Variants in SATL1 observed in about 807,000 individuals in gnomAD.
SATL1 encodes the protein spermidine/spermine N(1)-acetyltransferase-like protein 1.
Under a neutral mutation model 51.8 loss-of-function variants are expected in SATL1, and 47 were observed. That is an observed-to-expected ratio of 0.91 (90% confidence interval 0.72 to 1.16). The LOEUF (loss-of-function observed/expected upper bound fraction) is 1.16. Among genes scored for constraint, SATL1 ranks in the 50% most tolerant of loss-of-function variants. The pLI, the probability that SATL1 is intolerant of heterozygous loss-of-function variation, is 0.00. For missense variants in SATL1, 520 were observed against 526.4 expected, an observed-to-expected ratio of 0.99 and a Z score of 0.12; for synonymous variants, 176 against 182.4, an observed-to-expected ratio of 0.97 and a Z score of 0.28.
chrX:85,149,663 C>A (rs771371158), intron 2 of SATL1, among the ~76,000 whole-genome samples: 24 of 111,675 alleles, frequency 2.1e-4, no homozygotes, highest in African/African-American at 7.5e-4. Context: ...AAGAAACTCA[C>A]TCAAAACCAC....
In SATL1 at chrX:85,115,793, C is replaced by T. The variant is rs183983784; in HGVS notation, c.-312-6513G>A. 3.9e-3 allele frequency among the ~76,000 whole-genome samples: 433 copies of T among 111,510 alleles called. 2 individuals are homozygous for T. The highest frequency in any genetic ancestry group is 0.014 in the African/African-American group (419 of 30,675). On this transcript the variant is annotated intron_variant, in intron 2 of 7. Coordinates refer to ENST00000644105, the MANE Select transcript of SATL1 (RefSeq NM_001367857.2). The stretch of plus-strand genomic sequence containing the variant: ...CAAGCTGAAGAAACCCCAGACATTG[C>T]ACAGTTTTAGGCTTTCGCTCTGCCA...
At chrX:85,142,956 T>A (rs1175398259) in intron 2 of SATL1, 1 of 111,691 alleles carries the variant, frequency 9.0e-6, no homozygotes, top group Non-Finnish European at 1.9e-5. Flanking sequence ...CTTTTCTTCA[T>A]CTCTTCTCTT....
chrX:85,112,670 C>T (rs1401739870), intron 2 of SATL1, among the ~76,000 whole-genome samples: 1 of 111,555 alleles, frequency 9.0e-6, no homozygotes, highest in Admixed American at 9.5e-5. Context: ...TAGACTCAGA[C>T]TCTGCCATTT....
At chrX:85,125,279 C>A (rs2147703072) in intron 2 of SATL1, among the ~76,000 whole-genome samples, 1 of 109,940 alleles carries the variant, frequency 9.1e-6, no homozygotes, top group Non-Finnish European at 1.9e-5. Context: ...TGAAAAAGTA[C>A]AATAAGTACC....
chrX:85,234,248 A>G (rs1388405278), intron 1 of SATL1, among the ~76,000 whole-genome samples: 9 of 111,924 alleles, frequency 8.0e-5, no homozygotes, highest in Non-Finnish European at 1.7e-4. Flanking sequence ...CAGACCAACA[A>G]AAGCTGAGGG....
chrX:85,202,906 T>A (rs1927715604), intron 2 of SATL1, among the ~76,000 whole-genome samples: 1 of 111,870 alleles, frequency 8.9e-6, no homozygotes, highest in Admixed American at 9.4e-5. Flanking sequence ...AGTGACCAAG[T>A]GGCTGTCAGT....
At chrX:85,116,460 G>T (rs930240113) in intron 2 of SATL1, among the ~76,000 whole-genome samples, 2 of 111,761 alleles carry the variant, frequency 1.8e-5, no homozygotes, top group South Asian at 7.5e-4. Flanking sequence ...CCTTAGGGTG[G>T]GCTCTCTGCA....
At chrX:85,204,670 A>T (rs1288242351) in intron 2 of SATL1, among the ~76,000 whole-genome samples, 3 of 111,402 alleles carry the variant, frequency 2.7e-5, no homozygotes, top group African/African-American at 6.5e-5. Flanking sequence ...GGGGTTGAAG[A>T]CTAATTACCT....
chrX:85,148,270 G>C (rs1926316235), intron 2 of SATL1, among the ~76,000 whole-genome samples: 4 of 111,042 alleles, frequency 3.6e-5, no homozygotes, highest in Admixed American at 2.9e-4. Context: ...GGGAAGTTTA[G>C]AGAAAAAAGA....
intron 2 of SATL1, chrX:85,118,410 G>A (rs1160661470): frequency 9.1e-6 from 1 of 110,209 alleles, no homozygotes; most frequent in Non-Finnish European, 1.9e-5. Context: ...CCTGGACTGA[G>A]TCATGAACAG....
chrX:85,092,353 T>C lies in SATL1; in HGVS notation c.*38A>G. On this transcript the variant is annotated 3_prime_UTR_variant, in exon 8 of 8. Transcript: ENST00000644105. ...TTAGACTCAGGTGACAGTCAAATGT[T>C]GGAGGCTGTGTTGGGATGAGTTGTT... The C allele has an allele frequency of 8.8e-7, 1 of 1,140,742 alleles. No homozygotes were observed. Among genetic ancestry groups the C allele is most frequent in the Non-Finnish European group, 1.2e-6 (1 of 860,089 alleles). The allele number at this position is 1,140,742 out of a possible 1,213,427, so 94.0% of individuals were successfully genotyped here.
At chrX:85,205,800 G>A (rs1927780825) in intron 2 of SATL1, among the ~76,000 whole-genome samples, 1 of 111,629 alleles carries the variant, frequency 9.0e-6, no homozygotes, top group South Asian at 3.7e-4. Context: ...AAAGAGGATG[G>A]TTTGGAAGGG....
At chrX:85,209,263 G>T (rs1314564681) in intron 2 of SATL1, 1 of 111,996 alleles carries the variant, frequency 8.9e-6, no homozygotes, top group African/African-American at 3.2e-5. Flanking sequence ...GTACCATGCT[G>T]TTTTGGTTAC....
Position 85,107,418 on chromosome X carries a change from G to A in SATL1, c.1551C>T (p.Ser517=). The A allele has an allele frequency of 1.7e-6, 2 of 1,211,947 alleles. No homozygotes were observed. The highest frequency in any genetic ancestry group is 1.8e-5 in the South Asian group (1 of 57,040). The change falls in exon 3 of 8, where the codon AGC becomes AGT. Residue 517 remains serine, a synonymous_variant. Coordinates refer to ENST00000644105, the MANE Select transcript of SATL1 (RefSeq NM_001367857.2). The part of the protein sequence containing the change: ...SQPGRSQPSV[S]QMGMRQTSMD... ...TGCTTGTTTGCCTCATGCCCATTTG[G>A]CTCACACTTGGTTGGCTCCTGCCTG...
intron 1 of SATL1, among the ~76,000 whole-genome samples, chrX:85,241,430 A>G (rs1303444140): frequency 8.0e-5 from 9 of 111,997 alleles, no homozygotes; most frequent in African/African-American, 2.9e-4. Flanking sequence ...AATGTAAAAC[A>G]AAAGTTGAAA....
At chrX:85,158,028 C>A (rs962016840) in intron 2 of SATL1, among the ~76,000 whole-genome samples, 3 of 111,714 alleles carry the variant, frequency 2.7e-5, no homozygotes, top group African/African-American at 9.7e-5. Context: ...TGTCCAGATG[C>A]ACTTTGCTCT....
In SATL1 at chrX:85,156,813, TTATATATATATA is replaced by T. The variant is rs71933802; in HGVS notation, c.-312-47545_-312-47534del. On this transcript the variant is annotated intron_variant, in intron 2 of 7. Coordinates refer to ENST00000644105, the MANE Select transcript of SATL1 (RefSeq NM_001367857.2). ...TACAAGGATTTGAACCATGTGGAGATTATATATATATATATATATATATATATATATATATAT... is the reference window on the plus strand; with the variant it reads ...TACAAGGATTTGAACCATGTGGAGATTATATATATATATATATATATATAT... Among the ~76,000 whole-genome samples, 547 of 62,084 alleles carry T rather than the reference TTATATATATATA, an allele frequency of 8.8e-3. 4 individuals are homozygous for T. Among genetic ancestry groups the T allele is most frequent in the Middle Eastern group, 0.016 (2 of 127 alleles). The allele number at this position is 62,084 out of a possible 115,157, so 53.9% of individuals were successfully genotyped here. A position where few individuals can be genotyped will look rare whatever the true frequency, so the allele number is the denominator to read the frequency against.
In SATL1 at chrX:85,163,870, A is replaced by G. The variant is rs371969281; in HGVS notation, c.-312-54590T>C. Among the ~76,000 whole-genome samples, 11 of 111,856 alleles carry G rather than the reference A, an allele frequency of 9.8e-5. No individual in the cohort carries two copies. In the East Asian group the frequency reaches 2.0e-3, roughly 20 times the overall value. On this transcript the variant is annotated intron_variant, in intron 2 of 7. Coordinates refer to ENST00000644105, the MANE Select transcript of SATL1 (RefSeq NM_001367857.2). ...TGTCAGTGGAGTATTGAAGTCCCCC[A>G]CTATTATTGTCTTGCGGTCTGTCGC...
chrX:85,129,524 T>G (rs1925720916), intron 2 of SATL1, among the ~76,000 whole-genome samples: 1 of 112,199 alleles, frequency 8.9e-6, no homozygotes, highest in Non-Finnish European at 1.9e-5. Flanking sequence ...TGAAATTGCT[T>G]CTCAGCTTAA....
Sources: allele counts gnomAD v4.1 joint callset (sites outside exome capture counted in the v4.1 genomes callset), GRCh38; gene constraint gnomAD v4.1.1; transcripts MANE v1.5; gene names NCBI Gene and HGNC (gene_info 2026-07-23, HGNC 2026-07-21).